NKAIN2: variants seen among roughly 807,000 people sequenced by gnomAD.
NKAIN2 encodes sodium/potassium-transporting ATPase subunit beta-1-interacting protein 2.
NKAIN2 carries 14 observed loss-of-function variants against 32.6 expected under a neutral mutation model. The observed-to-expected ratio is 0.43, with a 90% CI of 0.28 to 0.67. The LOEUF is 0.67. NKAIN2 is among the 30% of genes least tolerant of loss of function. The probability of loss-of-function intolerance (pLI) is 0.17; values close to 1 mark genes in which losing one functional copy is unlikely to be tolerated. For missense variants in NKAIN2, 198 were observed against 258.3 expected (o/e 0.77, Z 1.60); for synonymous variants, 80 against 87.2 (o/e 0.92, Z 0.46).
chr6:124,687,430 T>TGTGTATGTGTGG (rs1773995898), intron 4 of NKAIN2, among the ~76,000 whole-genome samples: 1 of 1,262 alleles, frequency 7.9e-4, no homozygotes, highest in Admixed American at 9.6e-3. Flanking sequence ...ATTCCATGTA[T>TGTGTATGTGTGG]ACCATATACA....
intron 3 of NKAIN2, among the ~76,000 whole-genome samples, chr6:124,616,972 A>G (rs987075720): frequency 6.6e-6 from 1 of 152,142 alleles, no homozygotes; most frequent in Non-Finnish European, 1.5e-5. Flanking sequence ...TCTGCTTCCT[A>G]AACAATAAAG....
At chr6:124,707,670 C>T (rs913318233) in intron 4 of NKAIN2, among the ~76,000 whole-genome samples, 2 of 151,308 alleles carry the variant, frequency 1.3e-5, no homozygotes, top group African/African-American at 4.9e-5. Flanking sequence ...TGTCCTTGGC[C>T]CACTTTTTGA....
At chr6:124,792,454 T>C (rs925606976) in intron 5 of NKAIN2, among the ~76,000 whole-genome samples, 9 of 152,192 alleles carry the variant, frequency 5.9e-5, no homozygotes, top group African/African-American at 2.2e-4. Flanking sequence ...ATAATGGTCC[T>C]TTCACTAAAT....
At chr6:123,824,844 CT>C (rs763199237) in intron 1 of NKAIN2, among the ~76,000 whole-genome samples, 4 of 152,040 alleles carry the variant, frequency 2.6e-5, no homozygotes, top group Non-Finnish European at 5.9e-5. Context: ...ACCAGGCAAC[CT>C]TTTTGCTTTT....
intron 1 of NKAIN2, among the ~76,000 whole-genome samples, chr6:123,927,800 G>A (rs1776070737): frequency 6.6e-6 from 1 of 152,164 alleles, no homozygotes; most frequent in African/African-American, 2.4e-5. Flanking sequence ...TAAGAGGGGA[G>A]GAGAAGGAGG....
At chr6:123,874,914 T>A (rs1773101356) in intron 1 of NKAIN2, among the ~76,000 whole-genome samples, 1 of 151,992 alleles carries the variant, frequency 6.6e-6, no homozygotes, top group Non-Finnish European at 1.5e-5. Context: ...CATACATATA[T>A]ATATGTGTGT....
At chr6:123,874,885 CTACA>C (rs35937099) in intron 1 of NKAIN2, among the ~76,000 whole-genome samples, 45,985 of 150,810 alleles carry the variant, frequency 0.3, 7,290 homozygotes, top group Non-Finnish European at 0.34. Context: ...CTCGCTATTC[CTACA>C]TACATACATA....
chr6:123,851,794 G>A (rs546661615), intron 1 of NKAIN2, among the ~76,000 whole-genome samples: 3 of 152,246 alleles, frequency 2.0e-5, no homozygotes, highest in South Asian at 4.1e-4. Flanking sequence ...TAAGTCTTGC[G>A]ATAGAGTTCT....
chr6:123,878,393 T>G (rs530570004), intron 1 of NKAIN2, among the ~76,000 whole-genome samples: 1 of 152,336 alleles, frequency 6.6e-6, no homozygotes, highest in African/African-American at 2.4e-5. Flanking sequence ...TATTATTTTT[T>G]AAAGATGTCA....
intron 1 of NKAIN2, among the ~76,000 whole-genome samples, chr6:124,193,184 G>A (rs1790118326): frequency 6.6e-6 from 1 of 152,200 alleles, no homozygotes; most frequent in Non-Finnish European, 1.5e-5. Context: ...TGTGGCCAGT[G>A]GTGCCTCTGC....
intron 1 of NKAIN2, among the ~76,000 whole-genome samples, chr6:123,993,281 A>G (rs2114693791): frequency 6.6e-6 from 1 of 152,322 alleles, no homozygotes; most frequent in Admixed American, 6.5e-5. Flanking sequence ...AAGTGGTAAT[A>G]TAGCTGGAGA....
At chr6:124,410,820 G>A (rs999193125) in intron 3 of NKAIN2, among the ~76,000 whole-genome samples, 4 of 152,114 alleles carry the variant, frequency 2.6e-5, no homozygotes, top group Admixed American at 6.6e-5. Context: ...ATTATTGTGT[G>A]GGAGTCTAAG....
chr6:124,253,714 TAG>T (rs1793791531), intron 1 of NKAIN2, among the ~76,000 whole-genome samples: 2 of 152,160 alleles, frequency 1.3e-5, no homozygotes, highest in Admixed American at 1.3e-4. Flanking sequence ...AAGAATGCAA[TAG>T]CATACCTGTT....
intron 4 of NKAIN2, among the ~76,000 whole-genome samples, chr6:124,772,711 GA>G (rs1778814275): frequency 6.6e-6 from 1 of 152,130 alleles, no homozygotes; most frequent in Admixed American, 6.6e-5. Flanking sequence ...AACGAATAGA[GA>G]AATATGTAAA....
chr6:123,804,232 T>C lies in NKAIN2; in HGVS notation c.32T>C (p.Ile11Thr), dbSNP rs780271877. MGYCSGRCTL[I>T]FICGMQLVCV... is the part of the protein sequence containing the mutation. Reference sequence around the variant, plus strand: ...TATTGCAGTGGCAGGTGCACGCTTATCTTTATCTGTGGCATGCAACTGGTA... The same window carrying C: ...TATTGCAGTGGCAGGTGCACGCTTACCTTTATCTGTGGCATGCAACTGGTA... The change falls in exon 1 of 7, where the codon ATC (isoleucine) becomes ACC (threonine). Residue 11 changes from isoleucine to threonine, a missense_variant. Coordinates refer to ENST00000368417, the MANE Select transcript of NKAIN2 (RefSeq NM_001040214.3). 2 of 1,614,010 alleles carry C rather than the reference T, an allele frequency of 1.2e-6. No individual in the cohort carries two copies. The highest frequency in any genetic ancestry group is 1.7e-6 in the Non-Finnish European group (2 of 1,179,926).
intron 1 of NKAIN2, among the ~76,000 whole-genome samples, chr6:123,951,082 C>G (rs964117599): frequency 1.3e-5 from 2 of 151,870 alleles, no homozygotes; most frequent in African/African-American, 4.8e-5. Flanking sequence ...CAATGTTCCT[C>G]TTATTGATTT....
At chr6:124,080,292 G>A (rs749617927) in intron 1 of NKAIN2, among the ~76,000 whole-genome samples, 53 of 152,208 alleles carry the variant, frequency 3.5e-4, no homozygotes, top group Non-Finnish European at 5.3e-4. Context: ...TTAGACAAAA[G>A]GCTGTCTTGT....
intron 1 of NKAIN2, among the ~76,000 whole-genome samples, chr6:123,850,313 T>A (rs549473029): frequency 3.4e-5 from 5 of 145,522 alleles, no homozygotes; most frequent in Non-Finnish European, 7.4e-5. Flanking sequence ...TTTCCCCGCC[T>A]AACTGGCTGA....
intron 1 of NKAIN2, among the ~76,000 whole-genome samples, chr6:123,840,789 A>G (rs1774836291): frequency 6.6e-6 from 1 of 152,158 alleles, no homozygotes; most frequent in Admixed American, 6.5e-5. Context: ...ATTTGTATGT[A>G]TTAGAAAGAA....
Sources: allele counts gnomAD v4.1 joint callset (sites outside exome capture counted in the v4.1 genomes callset), GRCh38; gene constraint gnomAD v4.1.1; transcripts MANE v1.5; gene names NCBI Gene and HGNC (gene_info 2026-07-23, HGNC 2026-07-21).